DAPK1: variants seen among roughly 807,000 people sequenced by gnomAD.
DAPK1 encodes death-associated protein kinase 1.
In DAPK1, 56 loss-of-function variants were observed where a neutral mutation model predicts 144.9. That is an observed-to-expected ratio of 0.39 (90% CI 0.31 to 0.48). The LOEUF (loss-of-function observed/expected upper bound fraction) is 0.48, where lower values mean the gene tolerates loss of function less well. Among genes scored for constraint, DAPK1 ranks in the 20% least tolerant of loss-of-function variants. The pLI is 0.95. For synonymous variants in DAPK1, 690 were observed against 749.0 expected (o/e 0.92, Z 1.29); for missense variants, 1,454 against 1,875.4 (o/e 0.78, Z 4.15).
chr9:87,660,111 C>A (rs1181420038), intron 18 of DAPK1, among the ~76,000 whole-genome samples: 3 of 152,170 alleles, frequency 2.0e-5, no homozygotes, highest in African/African-American at 7.2e-5. Context: ...GATCTCCCTG[C>A]CCTGTTCAGG....
chr9:87,626,313 G>A (rs552392254), intron 3 of DAPK1, among the ~76,000 whole-genome samples: 1 of 152,300 alleles, frequency 6.6e-6, no homozygotes, highest in East Asian at 1.9e-4. Context: ...TACTCGGGAG[G>A]CTGAGGCAGG....
At chr9:87,523,812 C>A (rs62562068) in intron 2 of DAPK1, among the ~76,000 whole-genome samples, 13,493 of 152,132 alleles carry the variant, frequency 0.089, 870 homozygotes, top group East Asian at 0.33. Context: ...AGGGAGATTT[C>A]CTGCACTGTT....
chr9:87,548,565 G>C (rs1826350266), intron 2 of DAPK1, among the ~76,000 whole-genome samples: 1 of 152,174 alleles, frequency 6.6e-6, no homozygotes, highest in Non-Finnish European at 1.5e-5. Context: ...TGAAACACTG[G>C]ATTCCCCAAC....
chr9:87,568,713 C>T (rs947157658), intron 2 of DAPK1, among the ~76,000 whole-genome samples: 9 of 152,142 alleles, frequency 5.9e-5, no homozygotes, highest in Non-Finnish European at 1.0e-4. Flanking sequence ...GTGATGCACC[C>T]AAGTTATTAC....
rs1402750802 is a variant in DAPK1, at chr9:87,642,049, A to C, written c.909A>C (p.Lys303Asn). The part of the protein sequence containing the change: ...MEKFKKFAAR[K>N]KWKQSVRLIS... ...AATTCAAGAAGTTTGCAGCCCGGAA[A>C]AAATGGAAAGTAAGATTGTTTGTTG... Residue 303 changes from lysine to asparagine, a missense_variant, in exon 10 of 26, where the codon AAA becomes AAC. Lys to Asn is a moderately conservative substitution (Grantham distance 94). Around this residue, in one of 2 missense-constraint regions of DAPK1, gnomAD observed 429 missense variants for 637.5 expected, o/e 0.67. Transcript: ENST00000408954. 6.2e-7 allele frequency: 1 copy of C among 1,613,916 alleles called. No homozygotes were observed. The highest frequency in any genetic ancestry group is 1.3e-5 in the African/African-American group (1 of 74,940).
At chr9:87,602,551 C>T (rs1402046959) in intron 2 of DAPK1, among the ~76,000 whole-genome samples, 3 of 152,170 alleles carry the variant, frequency 2.0e-5, no homozygotes, top group Non-Finnish European at 2.9e-5. Context: ...GAGGTGAAAA[C>T]GCACGTGGAA....
Position 87,609,267 on chromosome 9 carries a change from C to G in DAPK1, c.284+4092C>G, listed in dbSNP as rs546704355. The stretch of plus-strand genomic sequence containing the variant: ...GTTGCCAGCTTGCCGACTCACCTGG[C>G]AGATTTGGGGACCTGCCAGCTTCCA... On this transcript the variant is annotated intron_variant, in intron 3 of 25. Coordinates refer to ENST00000408954, the MANE Select transcript of DAPK1 (RefSeq NM_004938.4). 7.2e-5 allele frequency among the ~76,000 whole-genome samples: 11 copies of G among 152,334 alleles called. 1 individual carries two copies. In the East Asian group the frequency reaches 2.1e-3, roughly 29 times the overall value.
chr9:87,574,412 TG>T (rs1287282706), intron 2 of DAPK1, among the ~76,000 whole-genome samples: 1 of 152,214 alleles, frequency 6.6e-6, no homozygotes, highest in Non-Finnish European at 1.5e-5. Context: ...TGTTTGGATT[TG>T]GCCCAAAAAT....
chr9:87,555,560 A>G (rs1826680480), intron 2 of DAPK1, among the ~76,000 whole-genome samples: 1 of 151,780 alleles, frequency 6.6e-6, no homozygotes, highest in African/African-American at 2.4e-5. Context: ...CTGGAGTGCA[A>G]TGGTGTGATC....
At chr9:87,672,626 C>T (rs1359352826) in intron 19 of DAPK1, among the ~76,000 whole-genome samples, 1 of 152,174 alleles carries the variant, frequency 6.6e-6, no homozygotes, top group Non-Finnish European at 1.5e-5. Context: ...TGTTTGTCTT[C>T]ATCATCCCTC....
At chr9:87,672,547 A>G (rs1213635630) in intron 19 of DAPK1, among the ~76,000 whole-genome samples, 1 of 152,036 alleles carries the variant, frequency 6.6e-6, no homozygotes, top group Non-Finnish European at 1.5e-5. Context: ...TCTCCTTCCC[A>G]TGGGGAGGCC....
At chr9:87,540,918 G>A (rs1479515094) in intron 2 of DAPK1, among the ~76,000 whole-genome samples, 4 of 152,150 alleles carry the variant, frequency 2.6e-5, no homozygotes, top group African/African-American at 9.7e-5. Flanking sequence ...CATCTGGACT[G>A]TGACATACCA....
chr9:87,537,352 G>C (rs1045391603), intron 2 of DAPK1, among the ~76,000 whole-genome samples: 15 of 152,178 alleles, frequency 9.9e-5, no homozygotes, highest in African/African-American at 3.4e-4. Flanking sequence ...CACATAGTGT[G>C]TACGCAGTCA....
intron 18 of DAPK1, among the ~76,000 whole-genome samples, chr9:87,660,790 A>C (rs575626142): frequency 1.3e-5 from 2 of 152,006 alleles, no homozygotes; most frequent in South Asian, 4.2e-4. Context: ...ATTTCCATCC[A>C]TGTTGCTACA....
chr9:87,686,477 C>A lies in DAPK1; in HGVS notation c.2225-74C>A. On this transcript the variant is annotated intron_variant, in intron 20 of 25. Coordinates refer to ENST00000408954, the MANE Select transcript of DAPK1 (RefSeq NM_004938.4). This position sits in a 1 kb window ranked among gnomAD's most constrained non-coding sequence, Gnocchi z 4.2. Reference sequence around the variant, plus strand: ...AGGCGTGCTCCAGAAAAGGAAACCTCAGGGCCAGCCTGGGAGGGAGACAGG... The same window carrying A: ...AGGCGTGCTCCAGAAAAGGAAACCTAAGGGCCAGCCTGGGAGGGAGACAGG... The A allele has an allele frequency of 2.3e-6, 2 of 852,966 alleles. No individual in the cohort carries two copies. The highest frequency in any genetic ancestry group is 3.8e-6 in the Non-Finnish European group (2 of 526,458). The allele number at this position is 852,966 out of a possible 1,614,324, so 52.8% of individuals were successfully genotyped here.
intron 2 of DAPK1, among the ~76,000 whole-genome samples, chr9:87,557,286 A>G (rs1225203726): frequency 6.6e-6 from 1 of 152,158 alleles, no homozygotes; most frequent in Admixed American, 6.5e-5. Flanking sequence ...GGAAACCCAC[A>G]TCTTCATTTC....
At chr9:87,570,657 G>A (rs12335821) in intron 2 of DAPK1, among the ~76,000 whole-genome samples, 42,964 of 152,038 alleles carry the variant, frequency 0.28, 6,431 homozygotes, top group East Asian at 0.49. Flanking sequence ...TAACCCAGGC[G>A]TGCACTTCTT....
intron 17 of DAPK1, among the ~76,000 whole-genome samples, chr9:87,652,736 C>A (rs1486367921): frequency 3.8e-3 from 485 of 126,012 alleles, no homozygotes; most frequent in Admixed American, 7.6e-3. Flanking sequence ...CCCACCTGAT[C>A]CCGGGTCCTG....
At chr9:87,519,928 T>C (rs992159031) in intron 2 of DAPK1, among the ~76,000 whole-genome samples, 2 of 152,006 alleles carry the variant, frequency 1.3e-5, no homozygotes, top group African/African-American at 4.8e-5. Context: ...GGGACGAGGC[T>C]GTCACTGTGG....
Sources: gnomAD v4.1 joint callset for allele counts (sites outside exome capture counted in the v4.1 genomes callset) on GRCh38, gnomAD v4.1.1 for gene constraint, gnomAD v4.1.1 regional missense constraint, Gnocchi (gnomAD v3.1) non-coding constraint, MANE v1.5 for transcripts, NCBI Gene and HGNC (gene_info 2026-07-23, HGNC 2026-07-21) for gene names.